Variants in POPDC2 observed in about 807,000 individuals in gnomAD.
The protein encoded by POPDC2 is popeye domain cAMP effector 2, also known as popeye domain-containing protein 2.
POPDC2 carries 24 observed loss-of-function variants against 30.5 expected under a neutral mutation model. The ratio of observed to expected loss-of-function variants is 0.79; its 90% CI spans 0.57 to 1.11. The LOEUF is 1.11. Among genes scored for constraint, POPDC2 ranks in the 50% least tolerant of loss-of-function variants. The pLI is 0.00. For missense variants in POPDC2, 409 were observed against 447.0 expected (o/e 0.91, Z 0.77); for synonymous variants, 185 against 183.3 (o/e 1.01, Z -0.07).
chr3:119,651,076 C>T (rs2052802704), intron 2 of POPDC2, among the ~76,000 whole-genome samples: 1 of 152,312 alleles, frequency 6.6e-6, no homozygotes, highest in South Asian at 2.1e-4. Context: ...TATGGCCCTA[C>T]ATGATCTTGC....
chr3:119,651,230 T>C (rs1202514201), intron 2 of POPDC2, among the ~76,000 whole-genome samples: 1 of 152,186 alleles, frequency 6.6e-6, no homozygotes, highest in Non-Finnish European at 1.5e-5. Flanking sequence ...CTGTCTGATA[T>C]GCTTTTCCCA....
rs752891524 is a variant in POPDC2 at position 119,660,217 on chromosome 3, C to T, written c.207G>A (p.Trp69Ter). Residue 69 changes from tryptophan (W) to a stop codon, truncating the protein, a stop_gained, in exon 1 of 4, where the codon TGG becomes TGA. Transcript: ENST00000493094. LOFTEE classifies it high-confidence loss of function. ...CAATGTCCAGGCCACAGGCACTGAA[C>T]CAGCCCCACAGCACGCAGCACAGGT... ...AGYLCCVLWG[W>*]FSACGLDIVL... 6.2e-7 allele frequency: 1 copy of T among 1,614,216 alleles called. No homozygotes were observed. Among genetic ancestry groups the T allele is most frequent in the Non-Finnish European group, 8.5e-7 (1 of 1,180,024 alleles).
intron 1 of POPDC2, among the ~76,000 whole-genome samples, chr3:119,655,767 G>A (rs907954506): frequency 6.6e-5 from 10 of 152,198 alleles, no homozygotes; most frequent in South Asian, 2.1e-4. Flanking sequence ...GCTACATAGC[G>A]ATCAAGTGGC....
chr3:119,643,843 A>G (rs1318231354), intron 3 of POPDC2, among the ~76,000 whole-genome samples: 1 of 152,176 alleles, frequency 6.6e-6, no homozygotes, highest in Non-Finnish European at 1.5e-5. Context: ...ACCACCCATG[A>G]GCAATCCAGT....
chr3:119,658,305 T>C (rs1453409906), intron 1 of POPDC2, among the ~76,000 whole-genome samples: 1 of 151,614 alleles, frequency 6.6e-6, no homozygotes, highest in Non-Finnish European at 1.5e-5. Context: ...AAAAAAAAAA[T>C]CAAAATTGTC....
chr3:119,656,937 A>G (rs2052886301), intron 1 of POPDC2, among the ~76,000 whole-genome samples: 1 of 152,174 alleles, frequency 6.6e-6, no homozygotes, highest in Admixed American at 6.5e-5. Context: ...TTTGTCTTTG[A>G]GGATTTCACA....
Position 119,660,573 on chromosome 3 carries a change from C to T in POPDC2, c.-150G>A. 3.4e-6 allele frequency: 3 copies of T among 884,956 alleles called. No homozygotes were observed. Among genetic ancestry groups the T allele is most frequent in the Non-Finnish European group, 5.0e-6 (3 of 597,906 alleles). 54.8% of individuals were successfully genotyped at this position (884,956 alleles called of 1,614,324 possible). A position where few individuals can be genotyped will look rare whatever the true frequency, so the allele number is the denominator to read the frequency against. Reference sequence around the variant, plus strand: ...TTCCTAGAAGGAATGCTTCCGGTGGCTTTGGGAAGGAATGATGGAACATAG... The same window carrying T: ...TTCCTAGAAGGAATGCTTCCGGTGGTTTTGGGAAGGAATGATGGAACATAG... On this transcript the variant is annotated 5_prime_UTR_variant, in exon 1 of 4. Coordinates refer to ENST00000493094, the MANE Select transcript of POPDC2 (RefSeq NM_001369919.2).
At position 119,648,144 on chromosome 3, in the gene POPDC2, C is replaced by G. The variant is rs759233896; in HGVS notation, c.*18G>C. 4.0e-6 allele frequency: 6 copies of G among 1,488,920 alleles called. No homozygotes were observed. In the South Asian group the frequency reaches 8.0e-5, roughly 20 times the overall value. 92.2% of individuals were successfully genotyped at this position (1,488,920 alleles called of 1,614,324 possible). On this transcript the variant is annotated 3_prime_UTR_variant, in exon 3 of 4. Coordinates refer to ENST00000493094, the MANE Select transcript of POPDC2 (RefSeq NM_001369919.2). ...ATAGGATCCTGAGCCGGTGGCTGTG[C>G]CCATGTTAGTTCTCCCTTCACCTCA...
Position 119,643,055 on chromosome 3 carries a change from G to A in POPDC2, c.*44-494C>T, listed in dbSNP as rs184888202. Among the ~76,000 whole-genome samples, 773 of 152,274 alleles carry A rather than the reference G, an allele frequency of 5.1e-3. 7 individuals are homozygous for A. The highest frequency in any genetic ancestry group is 0.017 in the African/African-American group (702 of 41,560). On this transcript the variant is annotated intron_variant, in intron 3 of 3. Coordinates refer to ENST00000493094, the MANE Select transcript of POPDC2 (RefSeq NM_001369919.2). ...ACTGCTGCCTCTAACTTACCTGACC[G>A]ACAATGGAACCTGTGGCAGGTAGAG...
In POPDC2 at chr3:119,660,007, A is replaced by G. The variant is rs376137450; in HGVS notation, c.417T>C (p.Thr139=). The change falls in exon 1 of 4, where the codon ACT becomes ACC. Residue 139 remains threonine (T), a synonymous_variant. Coordinates refer to ENST00000493094, the MANE Select transcript of POPDC2 (RefSeq NM_001369919.2). ...CAGCATAGGTCTGTTCAGTGGCCAG[A>G]GTTAAGACCTGCTCCTCGCAGCAGT... ...IVHCCEEQVL[T]LATEQTYAVE... 6.8e-6 allele frequency: 11 copies of G among 1,614,154 alleles called. No homozygotes were observed. Among genetic ancestry groups the G allele is most frequent in the Non-Finnish European group, 5.9e-6 (7 of 1,179,974 alleles).
intron 2 of POPDC2, among the ~76,000 whole-genome samples, chr3:119,651,658 C>T (rs9876919): frequency 0.33 from 49,045 of 149,876 alleles, 9,547 homozygotes; most frequent in Non-Finnish European, 0.42. Flanking sequence ...CCCCCTGAGA[C>T]GAAGTCTTGC....
chr3:119,656,324 G>T (rs555301129), intron 1 of POPDC2, among the ~76,000 whole-genome samples: 1 of 152,248 alleles, frequency 6.6e-6, no homozygotes, highest in African/African-American at 2.4e-5. Context: ...GTTGGCTAGA[G>T]TGGGTTACTG....
chr3:119,655,173 C>CA (rs2052865656), intron 1 of POPDC2, among the ~76,000 whole-genome samples: 3 of 152,044 alleles, frequency 2.0e-5, no homozygotes, highest in Admixed American at 1.3e-4. Flanking sequence ...ACTAAAAATA[C>CA]AAAAATTAGC....
intron 1 of POPDC2, among the ~76,000 whole-genome samples, chr3:119,655,079 C>A (rs1420953029): frequency 6.6e-6 from 1 of 152,198 alleles, no homozygotes; most frequent in South Asian, 2.1e-4. Flanking sequence ...GTAATCCCAG[C>A]ACTTTGGGAG....
At chr3:119,652,180 G>A (rs1007290123) in intron 2 of POPDC2, among the ~76,000 whole-genome samples, 3 of 152,188 alleles carry the variant, frequency 2.0e-5, no homozygotes, top group African/African-American at 7.2e-5. Flanking sequence ...ATTTCTGTGT[G>A]ATCCCTCCTG....
At chr3:119,643,450 C>T in intron 3 of POPDC2, 1 of 1,523,752 alleles carries the variant, frequency 6.6e-7, no homozygotes, top group South Asian at 1.2e-5. Flanking sequence ...TCATCTATCT[C>T]TGATAAAAGA....
intron 1 of POPDC2, 187 bp from the exon 2 acceptor site, chr3:119,654,800 C>T (rs2052860668): frequency 1.8e-6 from 1 of 558,686 alleles, no homozygotes; most frequent in Non-Finnish European, 3.2e-6. Flanking sequence ...AAAAGGAACC[C>T]ATTGAGACTT....
At chr3:119,645,488 G>A (rs1364395140) in intron 3 of POPDC2, among the ~76,000 whole-genome samples, 2 of 151,840 alleles carry the variant, frequency 1.3e-5, no homozygotes, top group Non-Finnish European at 2.9e-5. Flanking sequence ...CGGTGAACCC[G>A]GGAGGCGGAG....
intron 1 of POPDC2, among the ~76,000 whole-genome samples, chr3:119,657,561 C>T (rs561214580): frequency 1.1e-4 from 16 of 152,242 alleles, no homozygotes; most frequent in Middle Eastern, 3.4e-3. Context: ...ACTTGTGTCA[C>T]CATAAAAGGG....
Sources: gnomAD v4.1 joint callset for allele counts (sites outside exome capture counted in the v4.1 genomes callset) on GRCh38, gnomAD v4.1.1 for gene constraint, MANE v1.5 for transcripts, NCBI Gene and HGNC (gene_info 2026-07-23, HGNC 2026-07-21) for gene names.